The following STMND1 variants were observed in gnomAD, a reference collection of about 807,000 sequenced individuals.
STMND1 encodes stathmin domain containing 1, also known as stathmin domain-containing protein 1.
In STMND1, 17 loss-of-function variants were observed where a neutral mutation model predicts 23.0. That is an observed-to-expected ratio of 0.74 (90% confidence interval 0.51 to 1.11). STMND1 has a LOEUF of 1.11. Among genes scored for constraint, STMND1 ranks in the 50% least tolerant of loss-of-function variants. The pLI is 0.00. For synonymous variants in STMND1, 114 were observed against 119.9 expected (o/e 0.95, Z 0.32); for missense variants, 305 against 329.1 (o/e 0.93, Z 0.57).
At chr6:17,109,998 C>G (rs931807632) in intron 1 of STMND1, among the ~76,000 whole-genome samples, 2 of 152,142 alleles carry the variant, frequency 1.3e-5, no homozygotes, top group Non-Finnish European at 2.9e-5. Flanking sequence ...ACTGTCTACC[C>G]CAATCTGTTT....
intron 1 of STMND1, chr6:17,110,802 G>A (rs1561922386): frequency 2.2e-6 from 1 of 455,736 alleles, no homozygotes; most frequent in East Asian, 7.0e-5. Flanking sequence ...AAGAATCCTG[G>A]GAAGACATTA....
rs950788981 is a variant in STMND1, at chr6:17,120,701, A to C, written c.354A>C (p.Gln118His). The C allele has an allele frequency of 6.5e-7, 1 of 1,535,660 alleles. No homozygotes were observed. The highest frequency in any genetic ancestry group is 8.7e-7 in the Non-Finnish European group (1 of 1,146,628). Residue 118 changes from glutamine (Q) to histidine (H), a missense_variant, in exon 3 of 5, where the codon CAA becomes CAC. Coordinates refer to ENST00000536551, the MANE Select transcript of STMND1 (RefSeq NM_001190766.2). ...SSDILEELIVQGIIQSHSKVF... is the reference protein window; with the variant it reads ...SSDILEELIVHGIIQSHSKVF... ...ATATCCTGGAGGAACTAATTGTTCA[A>C]GGAATTATACAAAGCCACAGCAAAG... is the stretch of plus-strand genomic sequence containing the variant.
chr6:17,130,962 G>T lies in STMND1; in HGVS notation c.*81G>T. On this transcript the variant is annotated 3_prime_UTR_variant, in exon 5 of 5. Coordinates refer to ENST00000536551, the MANE Select transcript of STMND1 (RefSeq NM_001190766.2). ...GTAGTATGTCTCATATTCTTTGACT[G>T]ACTGACCTCATTCCACTGGGATTTC... The T allele has an allele frequency of 7.7e-7, 1 of 1,301,050 alleles. No homozygotes were observed. Among genetic ancestry groups the T allele is most frequent in the South Asian group, 1.5e-5 (1 of 64,574 alleles). The allele number at this position is 1,301,050 out of a possible 1,614,324, so 80.6% of individuals were successfully genotyped here.
At chr6:17,110,345 C>A (rs938157326) in intron 1 of STMND1, 2 of 159,228 alleles carry the variant, frequency 1.3e-5, no homozygotes, top group Non-Finnish European at 2.8e-5. Context: ...GCCCCTGCTC[C>A]CCAGCCTGGG....
chr6:17,109,834 G>A (rs191066771), intron 1 of STMND1, among the ~76,000 whole-genome samples: 190 of 152,250 alleles, frequency 1.2e-3, no homozygotes, highest in African/African-American at 4.5e-3. Context: ...TCACTTGCAG[G>A]AACCCAAAAG....
At chr6:17,109,439 G>A (rs1761070202) in intron 1 of STMND1, among the ~76,000 whole-genome samples, 1 of 152,206 alleles carries the variant, frequency 6.6e-6, no homozygotes, top group South Asian at 2.1e-4. Flanking sequence ...TAGCCATTGT[G>A]ATCTCTACTT....
At chr6:17,129,701 G>T (rs368347989) in intron 4 of STMND1, among the ~76,000 whole-genome samples, 1 of 152,012 alleles carries the variant, frequency 6.6e-6, no homozygotes, top group Admixed American at 6.6e-5. Context: ...AAAATTAGCC[G>T]GGCGTGGTGG....
At chr6:17,129,828 A>G (rs1467172248) in intron 4 of STMND1, among the ~76,000 whole-genome samples, 1 of 151,862 alleles carries the variant, frequency 6.6e-6, no homozygotes, top group South Asian at 2.1e-4. Flanking sequence ...TGGGTGACAG[A>G]ATGAGACCCC....
intron 4 of STMND1, among the ~76,000 whole-genome samples, 191 bp downstream of exon 4, chr6:17,129,434 T>G (rs1761355661): frequency 6.6e-6 from 1 of 151,768 alleles, no homozygotes; most frequent in Admixed American, 6.6e-5. Context: ...TACAGTGGCA[T>G]GCTCAGAGCT....
chr6:17,128,680 A>C (rs2113496113), intron 3 of STMND1: 1 of 152,472 alleles, frequency 6.6e-6, no homozygotes, highest in Middle Eastern at 3.4e-3. Flanking sequence ...CTGCGCCTGG[A>C]AAGTTAGATT....
intron 3 of STMND1, among the ~76,000 whole-genome samples, chr6:17,126,925 A>C (rs2113494346): frequency 6.6e-6 from 1 of 152,346 alleles, no homozygotes; most frequent in Middle Eastern, 3.4e-3. Context: ...TTGAGTCCAA[A>C]GAGAAGAGCT....
chr6:17,124,465 G>A (rs1291212847), intron 3 of STMND1, among the ~76,000 whole-genome samples: 29 of 152,176 alleles, frequency 1.9e-4, no homozygotes, highest in Admixed American at 1.9e-3. Context: ...GTTGAAAATT[G>A]AGGGTTCACC....
chr6:17,126,971 G>A (rs1023750570), intron 3 of STMND1, among the ~76,000 whole-genome samples: 1 of 152,124 alleles, frequency 6.6e-6, no homozygotes, highest in African/African-American at 2.4e-5. Flanking sequence ...CATTCCTGCC[G>A]CCCCAGAGTT....
intron 1 of STMND1, among the ~76,000 whole-genome samples, chr6:17,106,971 G>C (rs1249721443): frequency 6.6e-6 from 1 of 152,162 alleles, no homozygotes; most frequent in Non-Finnish European, 1.5e-5. Context: ...TGTTATAAAA[G>C]AGGAGAGGCT....
Position 17,115,104 on chromosome 6 carries a change from C to T in STMND1, c.224C>T (p.Pro75Leu), listed in dbSNP as rs1761140450. The T allele has an allele frequency of 6.5e-7, 1 of 1,535,688 alleles. No homozygotes were observed. Among genetic ancestry groups the T allele is most frequent in the African/African-American group, 1.4e-5 (1 of 73,008 alleles). The change falls in exon 2 of 5, where the codon CCA becomes CTA. Residue 75 changes from proline to leucine, a missense_variant. By Grantham distance (98) the Pro-to-Leu change is moderately conservative (BLOSUM62 -3). Coordinates refer to ENST00000536551, the MANE Select transcript of STMND1 (RefSeq NM_001190766.2). The part of the protein sequence containing the change: ...SLPGTISENS[P>L]SPSERNRRVN... The stretch of plus-strand genomic sequence containing the variant: ...CCTGGAACCATTTCAGAAAATTCTC[C>T]ATCTCCTAGTGAAAGAAACAGACGA...
At chr6:17,127,976 G>C (rs898322849) in intron 3 of STMND1, 2 of 90,084 alleles carry the variant, frequency 2.2e-5, no homozygotes, top group African/African-American at 4.5e-5. Flanking sequence ...TATATGTGCA[G>C]AGTAGATATC....
intron 1 of STMND1, among the ~76,000 whole-genome samples, chr6:17,112,845 T>C (rs573764322): frequency 6.6e-6 from 1 of 152,326 alleles, no homozygotes. Flanking sequence ...TGAAGAGCTT[T>C]CAAAGTGTTT....
At chr6:17,128,092 AT>A (rs1043304442) in intron 3 of STMND1, 2 of 152,178 alleles carry the variant, frequency 1.3e-5, no homozygotes, top group Non-Finnish European at 2.9e-5. Flanking sequence ...TATCAGTTAT[AT>A]TTTTTATAAT....
chr6:17,125,460 G>A (rs1417295680), intron 3 of STMND1, among the ~76,000 whole-genome samples: 1 of 152,126 alleles, frequency 6.6e-6, no homozygotes, highest in Non-Finnish European at 1.5e-5. Flanking sequence ...CCCTACCTGA[G>A]GCTCTGTGAA....
Sources: gnomAD v4.1 joint callset for allele counts (sites outside exome capture counted in the v4.1 genomes callset) on GRCh38, gnomAD v4.1.1 for gene constraint, MANE v1.5 for transcripts, NCBI Gene and HGNC (gene_info 2026-07-23, HGNC 2026-07-21) for gene names.